Variants in TECPR2 observed in about 807,000 individuals in gnomAD.
The protein encoded by TECPR2 is tectonin beta-propeller repeat containing 2, also known as tectonin beta-propeller repeat-containing protein 2.
Under a neutral mutation model 138.1 loss-of-function variants are expected in TECPR2, and 65 were observed. That is an observed-to-expected ratio of 0.47 (90% CI 0.39 to 0.58). TECPR2 has a LOEUF of 0.58. Among genes scored for constraint, TECPR2 ranks in the 20% least tolerant of loss-of-function variants. TECPR2 has a pLI of 0.00. For missense variants in TECPR2, 1,553 were observed against 1,824.5 expected (o/e 0.85, Z 2.71); for synonymous variants, 746 against 749.8 (o/e 0.99, Z 0.08).
At chr14:102,454,710 C>T (rs1422319612) in intron 16 of TECPR2, among the ~76,000 whole-genome samples, 1 of 152,208 alleles carries the variant, frequency 6.6e-6, no homozygotes, top group Non-Finnish European at 1.5e-5. Context: ...CCGCTAGTTC[C>T]CTCTGAGGGT....
chr14:102,498,971 ACACAC>A lies in TECPR2; in HGVS notation c.*721_*725del, dbSNP rs1418589269. The A allele has an allele frequency of 2.5e-5, 17 of 693,850 alleles. No homozygotes were observed. The highest frequency in any genetic ancestry group is 4.2e-5 in the Non-Finnish European group (16 of 380,834). 43.0% of individuals were successfully genotyped at this position (693,850 alleles called of 1,614,324 possible). A position where few individuals can be genotyped will look rare whatever the true frequency, so the allele number is the denominator to read the frequency against. ...ACACCACAGCACACCTCACCACACAACACACCACACCCCACACCGCACTGCACCGC... is the reference window on the plus strand; with the variant it reads ...ACACCACAGCACACCTCACCACACAACACACCCCACACCGCACTGCACCGC... On this transcript the variant is annotated 3_prime_UTR_variant, in exon 20 of 20. Transcript: ENST00000359520.
chr14:102,465,360 A>G, intron 17 of TECPR2, 71 bp downstream of exon 17: 1 of 1,584,412 alleles, frequency 6.3e-7, no homozygotes, highest in Middle Eastern at 1.8e-4. Flanking sequence ...GGTACTGGGA[A>G]AAAGGATCTG....
chr14:102,473,245 A>G (rs772237854), intron 17 of TECPR2, among the ~76,000 whole-genome samples: 11 of 152,206 alleles, frequency 7.2e-5, no homozygotes, highest in Non-Finnish European at 1.0e-4. Context: ...GACATGTCAT[A>G]GGCTTAGTGG....
At chr14:102,486,736 G>C (rs567637616) in intron 17 of TECPR2, among the ~76,000 whole-genome samples, 1 of 152,168 alleles carries the variant, frequency 6.6e-6, no homozygotes, top group African/African-American at 2.4e-5. Flanking sequence ...CATGGTCCCC[G>C]GCTCCTCCAG....
intron 12 of TECPR2, 27 bp from the exon 13 acceptor site, chr14:102,445,779 C>T (rs370727059): frequency 1.3e-4 from 213 of 1,608,400 alleles, no homozygotes; most frequent in Non-Finnish European, 1.8e-4. Flanking sequence ...TGGGTGCTGA[C>T]CCCCCTGTTC....
chr14:102,479,127 G>A (rs1214515774), intron 17 of TECPR2, among the ~76,000 whole-genome samples: 1 of 151,982 alleles, frequency 6.6e-6, no homozygotes, highest in Non-Finnish European at 1.5e-5. Flanking sequence ...GGTTATAGAA[G>A]CAATCATGAA....
At chr14:102,365,394 A>G (rs113174058) in intron 1 of TECPR2, among the ~76,000 whole-genome samples, 1,666 of 152,320 alleles carry the variant, frequency 0.011, 18 homozygotes, top group Non-Finnish European at 0.016. Context: ...CTTACAGGGC[A>G]CATGTGGGGG....
intron 4 of TECPR2, among the ~76,000 whole-genome samples, chr14:102,409,995 A>G (rs561247777): frequency 6.6e-6 from 1 of 151,922 alleles, no homozygotes; most frequent in African/African-American, 2.4e-5. Context: ...TTGTAGAGAT[A>G]GTGTTTCACC....
chr14:102,444,036 C>G (rs1157310964), intron 12 of TECPR2, among the ~76,000 whole-genome samples: 1 of 152,180 alleles, frequency 6.6e-6, no homozygotes, highest in African/African-American at 2.4e-5. Context: ...CTGCCGCCCT[C>G]TGCGCAGCCC....
chr14:102,408,373 TG>T, intron 3 of TECPR2, 114 bp from the exon 4 acceptor site: 1 of 1,211,684 alleles, frequency 8.3e-7, no homozygotes. Context: ...AAAACGAGAT[TG>T]GGAAAACCAG....
intron 17 of TECPR2, among the ~76,000 whole-genome samples, chr14:102,483,392 G>GTA (rs1248409086): frequency 7.5e-5 from 11 of 145,786 alleles, no homozygotes; most frequent in Non-Finnish European, 1.3e-4. Flanking sequence ...TTATGTTTTT[G>GTA]TGTGTTGTTG....
intron 2 of TECPR2, among the ~76,000 whole-genome samples, chr14:102,395,240 C>T (rs1014340598): frequency 6.6e-6 from 1 of 152,132 alleles, no homozygotes; most frequent in Non-Finnish European, 1.5e-5. Flanking sequence ...GGACTGTGAC[C>T]TACTTTATTT....
intron 17 of TECPR2, among the ~76,000 whole-genome samples, chr14:102,495,001 CCACGAGTT>C (rs1891243968): frequency 6.6e-6 from 1 of 152,022 alleles, no homozygotes; most frequent in Admixed American, 6.6e-5. Flanking sequence ...TCACTTGAAC[CCACGAGTT>C]CAAGACCAGC....
rs556951285 is a variant in TECPR2, at chr14:102,446,284, G to T, written c.3075+337G>T. ...GGGTTTTGGCATGTTGTGCAGGCTG[G>T]TCTCAAACTCCTGAGCTCAAGAGAT... On this transcript the variant is annotated intron_variant, in intron 13 of 19. Coordinates refer to ENST00000359520, the MANE Select transcript of TECPR2 (RefSeq NM_014844.5). Among the ~76,000 whole-genome samples the T allele has an allele frequency of 8.5e-5, 13 of 152,054 alleles. 1 individual carries two copies. The East Asian group carries it at 2.3e-3, about 27-fold the overall frequency.
In TECPR2 at chr14:102,431,883, C is replaced by T. The variant is rs774817279; in HGVS notation, c.1172C>T (p.Thr391Met). ...EKLPGATVSE[T>M]RLRGSSMASS... ...CTGCCAGGGGCCACAGTTTCTGAGA[C>T]GAGGCTCAGAGGCTCTTCCATGGCC... is the stretch of plus-strand genomic sequence containing the variant. Residue 391 changes from threonine to methionine, a missense_variant, in exon 8 of 20, where the codon ACG (threonine) becomes ATG (methionine). Coordinates refer to ENST00000359520, the MANE Select transcript of TECPR2 (RefSeq NM_014844.5). The T allele has an allele frequency of 1.6e-5, 26 of 1,606,198 alleles. No homozygotes were observed. The African/African-American group carries it at 2.1e-4, about 13-fold the overall frequency.
intron 1 of TECPR2, among the ~76,000 whole-genome samples, chr14:102,369,467 C>A (rs758689369): frequency 6.6e-6 from 1 of 152,122 alleles, no homozygotes; most frequent in Non-Finnish European, 1.5e-5. Flanking sequence ...TGGCTCACTG[C>A]AGCCTCGAAC....
chr14:102,492,330 C>T (rs571626614), intron 17 of TECPR2, among the ~76,000 whole-genome samples: 1 of 152,294 alleles, frequency 6.6e-6, no homozygotes, highest in South Asian at 2.1e-4. Context: ...TAAAGTCAGA[C>T]CCAGACAGCC....
chr14:102,391,629 G>A (rs117620099), intron 2 of TECPR2, among the ~76,000 whole-genome samples: 4 of 152,160 alleles, frequency 2.6e-5, no homozygotes, highest in Non-Finnish European at 5.9e-5. Flanking sequence ...AAAAATGAAG[G>A]CAAGGAGGAT....
Position 102,434,755 on chromosome 14 carries a change from C to G in TECPR2, c.1938C>G (p.Asn646Lys), listed in dbSNP as rs775019396. ...QSTFCEVPLLNSLTVPSSLSW... is the reference protein window; with the variant it reads ...QSTFCEVPLLKSLTVPSSLSW... ...CTTTTTGTGAAGTCCCCCTCCTGAACTCACTCACTGTGCCTTCCAGCCTCA... is the reference window on the plus strand; with the variant it reads ...CTTTTTGTGAAGTCCCCCTCCTGAAGTCACTCACTGTGCCTTCCAGCCTCA... The change falls in exon 9 of 20, where the codon AAC (asparagine) becomes AAG (lysine). Residue 646 changes from asparagine to lysine, a missense_variant. Physicochemically the swap from Asn to Lys is moderately conservative, Grantham distance 94. Transcript: ENST00000359520. The G allele has an allele frequency of 4.3e-6, 7 of 1,613,548 alleles. No individual in the cohort carries two copies. The South Asian group carries it at 6.6e-5, about 15-fold the overall frequency.
Sources: allele counts gnomAD v4.1 joint callset (sites outside exome capture counted in the v4.1 genomes callset), GRCh38; gene constraint gnomAD v4.1.1; transcripts MANE v1.5; gene names NCBI Gene and HGNC (gene_info 2026-07-23, HGNC 2026-07-21).